The following RBM27 variants were observed in gnomAD, a reference collection of about 807,000 sequenced individuals.
The protein encoded by RBM27 is RNA binding motif protein 27, also known as RNA-binding protein 27.
In RBM27, 22 loss-of-function variants were observed where a neutral mutation model predicts 135.3. The ratio of observed to expected loss-of-function variants is 0.16; its 90% CI spans 0.12 to 0.23. The LOEUF (loss-of-function observed/expected upper bound fraction) is 0.23, where lower values mean the gene tolerates loss of function less well. RBM27 is among the 10% of genes least tolerant of loss of function. The probability of loss-of-function intolerance (pLI) is 1.00; values close to 1 mark genes in which losing one functional copy is unlikely to be tolerated. For missense variants in RBM27, 1,009 were observed against 1,281.0 expected (o/e 0.79, Z 3.24); for synonymous variants, 481 against 442.4 (o/e 1.09, Z -1.10).
intron 19 of RBM27, among the ~76,000 whole-genome samples, chr5:146,279,418 G>T (rs1429164027): frequency 1.3e-5 from 2 of 151,510 alleles, no homozygotes; most frequent in Non-Finnish European, 2.9e-5. Flanking sequence ...CTGCACTCCA[G>T]CCTGGGCGAC....
chr5:146,243,356 G>A (rs1757490574), intron 8 of RBM27, among the ~76,000 whole-genome samples: 2 of 152,068 alleles, frequency 1.3e-5, no homozygotes, highest in Admixed American at 1.3e-4. Flanking sequence ...CATTGTTCAA[G>A]TTTATTTTTC....
chr5:146,262,243 G>A (rs544035345), intron 13 of RBM27, among the ~76,000 whole-genome samples: 1 of 152,188 alleles, frequency 6.6e-6, no homozygotes, highest in South Asian at 2.1e-4. Flanking sequence ...GCACCCTAAA[G>A]TATAATAACC....
chr5:146,223,658 A>C, intron 3 of RBM27, 131 bp downstream of exon 3: 1 of 1,017,410 alleles, frequency 9.8e-7, no homozygotes, highest in Non-Finnish European at 1.4e-6. Context: ...CATGGTACAG[A>C]TTCTTCATCA....
At chr5:146,232,235 A>C (rs1042039932) in intron 6 of RBM27, among the ~76,000 whole-genome samples, 2 of 152,184 alleles carry the variant, frequency 1.3e-5, no homozygotes, top group South Asian at 2.1e-4. Flanking sequence ...TACAGAATGC[A>C]TACGTTTTTA....
chr5:146,220,847 A>G (rs1428397917), intron 2 of RBM27, among the ~76,000 whole-genome samples: 1 of 152,190 alleles, frequency 6.6e-6, no homozygotes, highest in Non-Finnish European at 1.5e-5. Context: ...AGCCATGACA[A>G]AAGAGAAAGC....
At chr5:146,271,377 G>T in intron 18 of RBM27, 106 bp from the exon 19 acceptor site, 1 of 1,068,230 alleles carries the variant, frequency 9.4e-7, no homozygotes, top group Non-Finnish European at 1.3e-6. Flanking sequence ...TCGAGCCTAG[G>T]CAACGAGAGT....
At position 146,230,961 on chromosome 5, in the gene RBM27, G is replaced by A. The variant is rs775276255; in HGVS notation, c.850+44G>A. On this transcript the variant is annotated intron_variant, in intron 6 of 20. Coordinates refer to ENST00000265271, the MANE Select transcript of RBM27 (RefSeq NM_018989.2). ...TCTCATATTGTGCCCAAAAGTACTAGCAGAGCAAATGTTGCATATATTGCA... is the reference window on the plus strand; with the variant it reads ...TCTCATATTGTGCCCAAAAGTACTAACAGAGCAAATGTTGCATATATTGCA... The A allele has an allele frequency of 3.1e-5, 50 of 1,594,848 alleles. No individual in the cohort carries two copies. In the East Asian group the frequency reaches 1.1e-3, roughly 36 times the overall value.
intron 19 of RBM27, 47 bp downstream of exon 19, chr5:146,271,721 A>G: frequency 3.3e-6 from 5 of 1,513,084 alleles, no homozygotes; most frequent in Non-Finnish European, 4.5e-6. Flanking sequence ...CACTGTGCTC[A>G]TCATTTTCCT....
Position 146,230,889 on chromosome 5 carries a change from A to G in RBM27, c.822A>G (p.Pro274=), listed in dbSNP as rs1756901675. 1.2e-6 allele frequency: 2 copies of G among 1,614,042 alleles called. No homozygotes were observed. The highest frequency in any genetic ancestry group is 1.7e-6 in the Non-Finnish European group (2 of 1,180,038). The stretch of plus-strand genomic sequence containing the variant: ...CCAATTCTTTTGGTCGAAACCTACC[A>G]CCAAAGAGGCGATGCAGAGATTATG... The part of the protein sequence containing the change: ...SSSNSFGRNL[P]PKRRCRDYDE... Residue 274 remains proline (P), a synonymous_variant, in exon 6 of 21, where the codon CCA becomes CCG. Transcript: ENST00000265271.
chr5:146,225,256 C>T (rs1254649612), intron 3 of RBM27, among the ~76,000 whole-genome samples: 3 of 152,072 alleles, frequency 2.0e-5, no homozygotes, highest in East Asian at 1.9e-4. Flanking sequence ...GCCACTGCAC[C>T]GAGTCCCAAG....
At chr5:146,210,774 C>T (rs1285707479) in intron 1 of RBM27, among the ~76,000 whole-genome samples, 4 of 151,506 alleles carry the variant, frequency 2.6e-5, no homozygotes, top group Non-Finnish European at 5.9e-5. Flanking sequence ...AGTGAAACCC[C>T]GTTTCTACTA....
chr5:146,231,556 C>T (rs1420942233), intron 6 of RBM27, among the ~76,000 whole-genome samples: 1 of 151,514 alleles, frequency 6.6e-6, no homozygotes, highest in Non-Finnish European at 1.5e-5. Flanking sequence ...ACACTGTATG[C>T]CATAGTATAC....
intron 6 of RBM27, among the ~76,000 whole-genome samples, chr5:146,232,428 C>G (rs557605294): frequency 6.6e-6 from 1 of 152,186 alleles, no homozygotes; most frequent in African/African-American, 2.4e-5. Context: ...ACATATTTTC[C>G]CCACATTTTT....
In RBM27 at chr5:146,228,941, T is replaced by C. The variant is rs1266957514; in HGVS notation, c.304-5T>C. The C allele has an allele frequency of 6.2e-7, 1 of 1,611,768 alleles. No homozygotes were observed. The highest frequency in any genetic ancestry group is 1.1e-5 in the South Asian group (1 of 91,046). On this transcript the variant is annotated splice_region_variant and splice_polypyrimidine_tract_variant and intron_variant, in intron 3 of 20. Coordinates refer to ENST00000265271, the MANE Select transcript of RBM27 (RefSeq NM_018989.2). ...CTCTTACTTCTACTCAATATTTTCA[T>C]ATAGGTATTTCAGGAGCCAGCAGAG... is the stretch of plus-strand genomic sequence containing the variant.
intron 15 of RBM27, among the ~76,000 whole-genome samples, 160 bp from the exon 16 acceptor site, chr5:146,269,047 T>G (rs1758746437): frequency 6.6e-6 from 1 of 152,264 alleles, no homozygotes; most frequent in Non-Finnish European, 1.5e-5. Context: ...AACTCTATTA[T>G]GCTGAAAGTG....
intron 8 of RBM27, among the ~76,000 whole-genome samples, chr5:146,251,250 C>T (rs780898728): frequency 2.0e-5 from 3 of 151,954 alleles, no homozygotes; most frequent in Admixed American, 6.6e-5. Flanking sequence ...CTCTCAGATA[C>T]GGGAGCATAT....
At chr5:146,225,379 C>T (rs1756626875) in intron 3 of RBM27, among the ~76,000 whole-genome samples, 1 of 152,102 alleles carries the variant, frequency 6.6e-6, no homozygotes, top group African/African-American at 2.4e-5. Context: ...GGCTGATTGA[C>T]CTGATCCAAC....
intron 19 of RBM27, among the ~76,000 whole-genome samples, chr5:146,284,100 G>T (rs540985417): frequency 6.6e-6 from 1 of 152,310 alleles, no homozygotes; most frequent in African/African-American, 2.4e-5. Flanking sequence ...TTAGGCATTT[G>T]TTTAATGTTT....
Position 146,230,927 on chromosome 5 carries a change from A to T in RBM27, c.850+10A>T. On this transcript the variant is annotated intron_variant, in intron 6 of 20. Transcript: ENST00000265271. ...TGCAGAGATTATGATGGTAAAAATC[A>T]CCACCTTTTCTCATATTGTGCCCAA... The T allele has an allele frequency of 6.2e-7, 1 of 1,612,914 alleles. No individual in the cohort carries two copies. The highest frequency in any genetic ancestry group is 1.1e-5 in the South Asian group (1 of 91,018).
Sources: allele counts gnomAD v4.1 joint callset (sites outside exome capture counted in the v4.1 genomes callset), GRCh38; gene constraint gnomAD v4.1.1; transcripts MANE v1.5; gene names NCBI Gene and HGNC (gene_info 2026-07-23, HGNC 2026-07-21).